The following STYK1 variants were observed in gnomAD, a reference collection of about 807,000 sequenced individuals.
The protein encoded by STYK1 is STY kinase 1.
Under a neutral mutation model 48.1 loss-of-function variants are expected in STYK1, and 46 were observed. That is an observed-to-expected ratio of 0.96 (90% CI 0.75 to 1.22). The LOEUF (loss-of-function observed/expected upper bound fraction) is 1.22. STYK1 is among the 50% of genes most tolerant of loss of function. STYK1 has a pLI of 0.00. For synonymous variants in STYK1, 188 were observed against 189.0 expected, an observed-to-expected ratio of 0.99 and a Z score of 0.04; for missense variants, 527 against 521.1, an observed-to-expected ratio of 1.01 and a Z score of -0.11.
At chr12:10,662,822 G>C (rs1947791794) in intron 1 of STYK1, among the ~76,000 whole-genome samples, 1 of 151,902 alleles carries the variant, frequency 6.6e-6, no homozygotes, top group Admixed American at 6.6e-5. Flanking sequence ...TTTCACTTTT[G>C]ATAATGTCCT....
intron 1 of STYK1, among the ~76,000 whole-genome samples, chr12:10,643,768 C>A (rs1252607192): frequency 6.6e-6 from 1 of 152,152 alleles, no homozygotes; most frequent in East Asian, 1.9e-4. Flanking sequence ...TGGATGGGAA[C>A]AGAGCTTGAT....
intron 1 of STYK1, among the ~76,000 whole-genome samples, chr12:10,667,902 T>A (rs1282225137): frequency 6.6e-6 from 1 of 151,932 alleles, no homozygotes; most frequent in Non-Finnish European, 1.5e-5. Flanking sequence ...GCAGAAGGTA[T>A]AGGGAAGAAA....
chr12:10,628,058 T>C (rs1330324368), intron 6 of STYK1, among the ~76,000 whole-genome samples: 2 of 152,252 alleles, frequency 1.3e-5, no homozygotes, highest in African/African-American at 4.8e-5. Context: ...TCATGATTAA[T>C]TTAGCACATA....
intron 1 of STYK1, among the ~76,000 whole-genome samples, chr12:10,650,586 C>A (rs547075584): frequency 6.6e-6 from 1 of 152,176 alleles, no homozygotes; most frequent in South Asian, 2.1e-4. Flanking sequence ...TTTCCTTCAA[C>A]GCATTAGCAT....
At position 10,654,119 on chromosome 12, in the gene STYK1, A is replaced by G. The variant is rs528392798; in HGVS notation, c.-194-16923T>C. 5.9e-5 allele frequency among the ~76,000 whole-genome samples: 9 copies of G among 152,296 alleles called. No homozygotes were observed. The South Asian group carries it at 1.7e-3, about 28-fold the overall frequency. ...TTATAATGCATTAGCATGCTAAGAG[A>G]CACTCCCACCAGTGTCCTGACAGTT... is the stretch of plus-strand genomic sequence containing the variant. On this transcript the variant is annotated intron_variant, in intron 1 of 10. Coordinates refer to ENST00000075503, the MANE Select transcript of STYK1 (RefSeq NM_018423.3).
At chr12:10,631,432 C>A (rs1317949482) in intron 4 of STYK1, 124 bp from the exon 5 acceptor site, 2 of 1,146,176 alleles carry the variant, frequency 1.7e-6, no homozygotes, top group East Asian at 2.4e-5. Flanking sequence ...GGGGAGTTGT[C>A]TTCTGATGCT....
chr12:10,636,848 C>T (rs1484034996), intron 2 of STYK1, among the ~76,000 whole-genome samples: 2 of 152,146 alleles, frequency 1.3e-5, no homozygotes, highest in Non-Finnish European at 2.9e-5. Context: ...AGCTCAGACT[C>T]ATGAGCTCGG....
In STYK1 at chr12:10,619,672, T is replaced by G. The variant is rs1296104189; in HGVS notation, c.*472A>C. ...GAACTTTGTGTCCTACCACCTTTTC[T>G]TGAAGGAGGTGTTGGTCCATATCTG... On this transcript the variant is annotated 3_prime_UTR_variant, in exon 11 of 11. Coordinates refer to ENST00000075503, the MANE Select transcript of STYK1 (RefSeq NM_018423.3). The G allele has an allele frequency of 5.1e-6, 1 of 195,684 alleles. No homozygotes were observed. Among genetic ancestry groups the G allele is most frequent in the African/African-American group, 2.3e-5 (1 of 43,170 alleles). 12.1% of individuals were successfully genotyped at this position (195,684 alleles called of 1,614,324 possible).
Position 10,634,055 on chromosome 12 carries a change from A to G in STYK1, c.122T>C (p.Leu41Pro). ...TLLVTIFLILLGVILWLFIRE... is the reference protein window; with the variant it reads ...TLLVTIFLILPGVILWLFIRE... ...GATAAAAAGCCACAGGATGACCCCA[A>G]GAAGGATGAGGAAGATAGTAACCAA... is the stretch of plus-strand genomic sequence containing the variant. The change falls in exon 4 of 11, where the codon CTT (leucine) becomes CCT (proline). Residue 41 changes from leucine (L) to proline (P), a missense_variant. Physicochemically the swap from Leu to Pro is moderately conservative, Grantham distance 98 (BLOSUM62 -3). Coordinates refer to ENST00000075503, the MANE Select transcript of STYK1 (RefSeq NM_018423.3). 1 of 1,614,190 alleles carries G rather than the reference A, an allele frequency of 6.2e-7. No individual in the cohort carries two copies. The highest frequency in any genetic ancestry group is 8.5e-7 in the Non-Finnish European group (1 of 1,180,034).
intron 4 of STYK1, 109 bp downstream of exon 4, chr12:10,633,881 T>C: frequency 7.4e-7 from 1 of 1,353,716 alleles, no homozygotes; most frequent in South Asian, 1.5e-5. Context: ...GCCTCTCTCA[T>C]TGCAGGTACC....
At chr12:10,622,093 C>T in intron 9 of STYK1, 121 bp from the exon 10 acceptor site, 1 of 760,612 alleles carries the variant, frequency 1.3e-6, no homozygotes, top group Non-Finnish European at 2.2e-6. Context: ...AAAAATACTA[C>T]ATACAATTCA....
chr12:10,653,077 C>CA (rs1565570649), intron 1 of STYK1, among the ~76,000 whole-genome samples: 1 of 146,630 alleles, frequency 6.8e-6, no homozygotes, highest in Admixed American at 6.8e-5. Context: ...TCTTTTCTTT[C>CA]TTTTTTTTTT....
chr12:10,627,546 C>T lies in STYK1; in HGVS notation c.717+95G>A, dbSNP rs569842219. 239 of 1,151,956 alleles carry T rather than the reference C, an allele frequency of 2.1e-4. 2 individuals carry two copies. The highest frequency in any genetic ancestry group is 1.6e-3 in the South Asian group (104 of 66,426). The allele number at this position is 1,151,956 out of a possible 1,614,324, so 71.4% of individuals were successfully genotyped here. A position where few individuals can be genotyped will look rare whatever the true frequency, so the allele number is the denominator to read the frequency against. On this transcript the variant is annotated intron_variant, in intron 7 of 10. Coordinates refer to ENST00000075503, the MANE Select transcript of STYK1 (RefSeq NM_018423.3). ...TATCTAATTTTCTTTAAAACATACA[C>T]ACCACTTGAGAATATTAATATGAGA...
intron 1 of STYK1, among the ~76,000 whole-genome samples, chr12:10,660,909 A>G (rs974642335): frequency 2.0e-5 from 3 of 152,082 alleles, no homozygotes; most frequent in African/African-American, 7.2e-5. Context: ...TGTTTAGCAT[A>G]TAATCAATAA....
chr12:10,634,760 A>T, intron 2 of STYK1, 74 bp from the exon 3 acceptor site: 1 of 869,106 alleles, frequency 1.2e-6, no homozygotes, highest in Non-Finnish European at 1.8e-6. Context: ...AGAATTTTAA[A>T]CCGCCTCTAC....
Position 10,629,655 on chromosome 12 carries a change from C to CG in STYK1, c.470_471insC (p.Glu157AspfsTer30). ...GGATTCGCCCTAAGAAATCTTGTAC[C>CG]TCATGGAGCCCAGCTGGTTCTGTAG... is the stretch of plus-strand genomic sequence containing the variant. On this transcript the variant is annotated frameshift_variant, in exon 6 of 11. Transcript: ENST00000075503. LOFTEE classifies it high-confidence loss of function. 6.2e-7 allele frequency: 1 copy of CG among 1,614,110 alleles called. No homozygotes were observed.
Position 10,644,689 on chromosome 12 carries a change from T to C in STYK1, c.-194-7493A>G, listed in dbSNP as rs1947580672. 3.3e-5 allele frequency among the ~76,000 whole-genome samples: 5 copies of C among 152,134 alleles called. No individual in the cohort carries two copies. The South Asian group carries it at 1.0e-3, about 31-fold the overall frequency. ...AATGGATTGGAAACCTTGAGGAGAT[T>C]GAACCAACAGGACACAGTGGTTGTA... On this transcript the variant is annotated intron_variant, in intron 1 of 10. Coordinates refer to ENST00000075503, the MANE Select transcript of STYK1 (RefSeq NM_018423.3).
At chr12:10,622,156 G>A (rs1349747908) in intron 9 of STYK1, among the ~76,000 whole-genome samples, 184 bp from the exon 10 acceptor site, 1 of 152,116 alleles carries the variant, frequency 6.6e-6, no homozygotes, top group African/African-American at 2.4e-5. Context: ...GGGGGGAAAG[G>A]TGTTTTGGAG....
intron 1 of STYK1, among the ~76,000 whole-genome samples, chr12:10,653,866 C>T (rs1312369927): frequency 1.3e-5 from 2 of 152,160 alleles, no homozygotes; most frequent in South Asian, 2.1e-4. Context: ...AGAGCAGCTC[C>T]ATCTTGAACA....
Sources: gnomAD v4.1 joint callset for allele counts (sites outside exome capture counted in the v4.1 genomes callset) on GRCh38, gnomAD v4.1.1 for gene constraint, MANE v1.5 for transcripts, NCBI Gene and HGNC (gene_info 2026-07-23, HGNC 2026-07-21) for gene names.